Variants in RBFOX1 observed in about 807,000 individuals in gnomAD.
RBFOX1 encodes RNA binding protein fox-1 homolog 1.
In RBFOX1, 8 loss-of-function variants were observed where a neutral mutation model predicts 57.7. The ratio of observed to expected loss-of-function variants is 0.14; its 90% confidence interval spans 0.08 to 0.25. RBFOX1 has a LOEUF of 0.25. RBFOX1 is among the 10% of genes least tolerant of loss of function. The probability of loss-of-function intolerance (pLI) is 1.00; values close to 1 mark genes in which losing one functional copy is unlikely to be tolerated. For synonymous variants in RBFOX1, 326 were observed against 222.4 expected (o/e 1.47, Z -4.15); for missense variants, 611 against 548.5 (o/e 1.11, Z -1.14).
chr16:5,506,768 TA>T (rs2043394129), intron 2 of RBFOX1, among the ~76,000 whole-genome samples: 1 of 152,178 alleles, frequency 6.6e-6, no homozygotes, highest in African/African-American at 2.4e-5. Context: ...TTGAAAGTTT[TA>T]CCAGTCTGCT....
At chr16:6,990,381 C>G (rs192417511) in intron 3 of RBFOX1, among the ~76,000 whole-genome samples, 9 of 151,924 alleles carry the variant, frequency 5.9e-5, no homozygotes, top group Non-Finnish European at 1.3e-4. Context: ...AAAAGTTAGC[C>G]GGTAGTGGTG....
chr16:6,009,246 G>A (rs932774029), intron 4 of RBFOX1, among the ~76,000 whole-genome samples: 15 of 151,998 alleles, frequency 9.9e-5, no homozygotes, highest in African/African-American at 3.6e-4. Context: ...AAGCCACGAT[G>A]GTACCTCATT....
At chr16:5,910,687 G>A (rs569892946) in intron 4 of RBFOX1, among the ~76,000 whole-genome samples, 19 of 152,242 alleles carry the variant, frequency 1.2e-4, no homozygotes, top group African/African-American at 4.6e-4. Flanking sequence ...CTCCATCAAT[G>A]CCCCACTTCT....
chr16:7,159,762 C>G (rs907569072), intron 4 of RBFOX1, among the ~76,000 whole-genome samples: 2 of 152,176 alleles, frequency 1.3e-5, no homozygotes, highest in South Asian at 2.1e-4. Context: ...TCTTTCCTCC[C>G]TCCCATCAAA....
chr16:7,619,340 T>C (rs564501597), intron 10 of RBFOX1, among the ~76,000 whole-genome samples: 3 of 152,296 alleles, frequency 2.0e-5, no homozygotes, highest in South Asian at 2.1e-4. Flanking sequence ...TGAAATATTA[T>C]GTTTGTTTTT....
chr16:7,065,019 C>T (rs928444929), intron 4 of RBFOX1, among the ~76,000 whole-genome samples: 14 of 152,144 alleles, frequency 9.2e-5, no homozygotes, highest in Admixed American at 4.6e-4. Context: ...ACGCAGCAAT[C>T]CTCTATTGTT....
intron 4 of RBFOX1, among the ~76,000 whole-genome samples, chr16:7,407,756 C>G (rs1218994803): frequency 6.6e-6 from 1 of 152,188 alleles, no homozygotes; most frequent in Non-Finnish European, 1.5e-5. Flanking sequence ...ACAGTGCCTT[C>G]TGTATCTTCA....
chr16:5,537,036 C>T (rs982566711), intron 2 of RBFOX1, among the ~76,000 whole-genome samples: 3 of 152,202 alleles, frequency 2.0e-5, no homozygotes, highest in Non-Finnish European at 4.4e-5. Flanking sequence ...TAACAGGTTT[C>T]CCACTTCCTT....
chr16:7,174,277 C>G (rs1298793969), intron 4 of RBFOX1, among the ~76,000 whole-genome samples: 1 of 152,034 alleles, frequency 6.6e-6, no homozygotes, highest in Admixed American at 6.6e-5. Context: ...AGTAATATTC[C>G]ATGGTATGGA....
At chr16:6,033,734 C>T (rs369265440) in intron 1 of RBFOX1, among the ~76,000 whole-genome samples, 16 of 152,192 alleles carry the variant, frequency 1.1e-4, no homozygotes, top group Non-Finnish European at 2.2e-4. Context: ...TGAAGCGCTA[C>T]ATGGAATATC....
At chr16:7,394,406 C>T (rs1302556682) in intron 4 of RBFOX1, among the ~76,000 whole-genome samples, 1 of 152,006 alleles carries the variant, frequency 6.6e-6, no homozygotes, top group African/African-American at 2.4e-5. Context: ...AGTCTTCAGC[C>T]TGAATCTCTT....
chr16:7,114,843 C>T (rs1054775952), intron 4 of RBFOX1, among the ~76,000 whole-genome samples: 3 of 152,068 alleles, frequency 2.0e-5, no homozygotes, highest in Non-Finnish European at 4.4e-5. Flanking sequence ...GAAGCCAAAT[C>T]GTAAAGGTCT....
At chr16:6,063,214 G>A (rs550010884) in intron 1 of RBFOX1, among the ~76,000 whole-genome samples, 9 of 152,080 alleles carry the variant, frequency 5.9e-5, no homozygotes, top group African/African-American at 1.9e-4. Flanking sequence ...AGCAGCAAGA[G>A]GGAAAGAAAA....
intron 3 of RBFOX1, among the ~76,000 whole-genome samples, chr16:5,788,493 G>T (rs2054585601): frequency 6.6e-6 from 1 of 152,138 alleles, no homozygotes; most frequent in Non-Finnish European, 1.5e-5. Flanking sequence ...GCTGGGCATG[G>T]TGGCAGGTGC....
chr16:6,376,943 TTC>T lies in RBFOX1; in HGVS notation c.-64+59890_-64+59891del, dbSNP rs59071060. 2.2e-3 allele frequency among the ~76,000 whole-genome samples: 341 copies of T among 152,106 alleles called. 7 individuals are homozygous for T. In the East Asian group the frequency reaches 0.047, roughly 21 times the overall value. On this transcript the variant is annotated intron_variant, in intron 2 of 15. Coordinates refer to ENST00000550418, the MANE Select transcript of RBFOX1 (RefSeq NM_018723.4). ...GTATCACATAGCCTTCCCTGTGTTT[TTC>T]TCTGTCTCCAAACTTCCTTCTTCTT...
chr16:6,600,257 G>A (rs958250740), intron 2 of RBFOX1, among the ~76,000 whole-genome samples: 2 of 151,790 alleles, frequency 1.3e-5, no homozygotes, highest in African/African-American at 4.9e-5. Flanking sequence ...AGAATCTCGG[G>A]GCTTTTGTTC....
chr16:6,100,967 C>A (rs1333575281), intron 1 of RBFOX1, among the ~76,000 whole-genome samples: 1 of 152,044 alleles, frequency 6.6e-6, no homozygotes, highest in Non-Finnish European at 1.5e-5. Flanking sequence ...TTTTCCGTCT[C>A]GAAATTGTCA....
chr16:6,896,437 T>G (rs1225895769), intron 3 of RBFOX1, among the ~76,000 whole-genome samples: 1 of 152,202 alleles, frequency 6.6e-6, no homozygotes, highest in Non-Finnish European at 1.5e-5. Context: ...CTTTCAGCCC[T>G]GGTAACTATC....
intron 1 of RBFOX1, among the ~76,000 whole-genome samples, chr16:6,093,594 C>A (rs1200790025): frequency 6.6e-6 from 1 of 152,000 alleles, no homozygotes; most frequent in African/African-American, 2.4e-5. Context: ...TAATTAAGGG[C>A]ATGGGACGGT....
Sources: gnomAD v4.1 joint callset for allele counts (sites outside exome capture counted in the v4.1 genomes callset) on GRCh38, gnomAD v4.1.1 for gene constraint, MANE v1.5 for transcripts, NCBI Gene and HGNC (gene_info 2026-07-23, HGNC 2026-07-21) for gene names.